Variants in SLCO1A2 observed in about 807,000 individuals in gnomAD.
SLCO1A2 encodes the protein OATP-1.
A neutral mutation model predicts 69.0 loss-of-function variants in SLCO1A2; 67 were observed. That is an observed-to-expected ratio of 0.97 (90% CI 0.80 to 1.19). The LOEUF (loss-of-function observed/expected upper bound fraction) is 1.19. Among genes scored for constraint, SLCO1A2 ranks in the 50% most tolerant of loss-of-function variants. The probability of loss-of-function intolerance (pLI) is 0.00; values close to 1 mark genes in which losing one functional copy is unlikely to be tolerated. For missense variants in SLCO1A2, 787 were observed against 793.7 expected (o/e 0.99, Z 0.10); for synonymous variants, 260 against 265.9 (o/e 0.98, Z 0.22).
upstream of SLCO1A2, among the ~76,000 whole-genome samples, chr12:21,418,813 T>C (rs1243301332): frequency 1.3e-5 from 2 of 152,158 alleles, no homozygotes; most frequent in African/African-American, 2.4e-5. Context: ...TTAGTAGTGA[T>C]GGTCTAGAAC....
chr12:21,275,349 A>ACATC lies in SLCO1A2; in HGVS notation c.1675+10_1675+11insGATG. 6.5e-7 allele frequency: 1 copy of ACATC among 1,549,258 alleles called. No homozygotes were observed. Among genetic ancestry groups the ACATC allele is most frequent in the South Asian group, 1.2e-5 (1 of 83,624 alleles). On this transcript the variant is annotated intron_variant, in intron 13 of 14. Coordinates refer to ENST00000683939, the MANE Select transcript of SLCO1A2 (RefSeq NM_001386879.1). The stretch of plus-strand genomic sequence containing the variant: ...TTCTGATAGGATGTGGGAAAAAATA[A>ACATC]CTATTTTTACCAAATACTCTTGTGC...
chr12:21,276,369 A>G (rs1436237714), intron 12 of SLCO1A2, among the ~76,000 whole-genome samples: 1 of 149,716 alleles, frequency 6.7e-6, no homozygotes. Context: ...ATGCGTAGAG[A>G]TGATAGAGAT....
chr12:21,370,346 T>C (rs1008706658), intron 2 of SLCO1A2, among the ~76,000 whole-genome samples: 1 of 152,058 alleles, frequency 6.6e-6, no homozygotes, highest in Non-Finnish European at 1.5e-5. Context: ...TTTTTTATTA[T>C]ACTTTAAGTT....
At chr12:21,328,040 G>C (rs1952367767) in intron 2 of SLCO1A2, among the ~76,000 whole-genome samples, 1 of 152,110 alleles carries the variant, frequency 6.6e-6, no homozygotes, top group South Asian at 2.1e-4. Flanking sequence ...TCATGATAGT[G>C]AATAAGTCTC....
chr12:21,292,243 G>A lies in SLCO1A2; in HGVS notation c.1531C>T (p.Gln511Ter), dbSNP rs751942663. ...ATCGCTGACAAGATTAGGAAGTACT[G>A]GAGCATCAAGGAACAGTCAGGTCCT... The part of the protein sequence containing the change: ...DKGPDCSLML[Q>*]YFLILSAMSS... The change falls in exon 12 of 15, where the codon CAG (glutamine) becomes TAG (stop). Residue 511 changes from glutamine to a stop codon, truncating the protein, a stop_gained. Coordinates refer to ENST00000683939, the MANE Select transcript of SLCO1A2 (RefSeq NM_001386879.1). LOFTEE classifies it high-confidence loss of function. 5 of 1,612,976 alleles carry A rather than the reference G, an allele frequency of 3.1e-6. No homozygotes were observed. The Admixed American group carries it at 8.3e-5, about 27-fold the overall frequency.
chr12:21,389,307 C>A (rs1027106045), intron 1 of SLCO1A2, among the ~76,000 whole-genome samples: 4 of 152,168 alleles, frequency 2.6e-5, no homozygotes, highest in Admixed American at 2.6e-4. Flanking sequence ...TTACTGCCTA[C>A]ACGTTTTTCT....
chr12:21,341,042 T>C (rs2136980873), intron 2 of SLCO1A2, among the ~76,000 whole-genome samples: 1 of 152,150 alleles, frequency 6.6e-6, no homozygotes, highest in Non-Finnish European at 1.5e-5. Flanking sequence ...CCTAAAATCT[T>C]ATGACATAAG....
At chr12:21,394,370 C>CAA (rs890833366) in intron 1 of SLCO1A2, among the ~76,000 whole-genome samples, 42 of 150,264 alleles carry the variant, frequency 2.8e-4, no homozygotes, top group Non-Finnish European at 5.0e-4. Flanking sequence ...CATCTTTACA[C>CAA]ACACACACAC....
intron 1 of SLCO1A2, among the ~76,000 whole-genome samples, chr12:21,413,237 CTTTTTTTTTT>C (rs3983534): frequency 1.0e-5 from 1 of 99,432 alleles, no homozygotes; most frequent in Admixed American, 1.3e-4. Flanking sequence ...TTTTCTTTTT[CTTTTTTTTTT>C]TTTTTTTTTG....
upstream of SLCO1A2, among the ~76,000 whole-genome samples, chr12:21,396,605 T>G (rs1486014670): frequency 1.3e-5 from 2 of 151,764 alleles, no homozygotes; most frequent in Non-Finnish European, 2.9e-5. Context: ...GGAAAAAATG[T>G]TAAGGGCAGC....
intron 5 of SLCO1A2, among the ~76,000 whole-genome samples, chr12:21,305,495 A>C (rs112633391): frequency 0.015 from 2,322 of 152,284 alleles, 53 homozygotes; most frequent in African/African-American, 0.053. Context: ...AATAGTCTCT[A>C]TTTCTAGGTA....
intron 1 of SLCO1A2, among the ~76,000 whole-genome samples, chr12:21,382,314 C>A (rs1940635706): frequency 6.6e-6 from 1 of 151,880 alleles, no homozygotes; most frequent in Non-Finnish European, 1.5e-5. Context: ...ATATAATGGA[C>A]TTTAGAGATT....
rs1043533781 is a variant in SLCO1A2, at chr12:21,267,891, C to T, written c.*1657G>A. On this transcript the variant is annotated 3_prime_UTR_variant, in exon 15 of 15. Transcript: ENST00000683939. Reference sequence around the variant, plus strand: ...TAATACGATATCTCACTGCTGCAGTCATACCTACATCAAAGTTAAACTCCC... The same window carrying T: ...TAATACGATATCTCACTGCTGCAGTTATACCTACATCAAAGTTAAACTCCC... The T allele has an allele frequency of 5.3e-5, 8 of 152,066 alleles. No individual in the cohort carries two copies. The allele number at this position is 152,066 out of a possible 1,614,324, so 9.4% of individuals were successfully genotyped here. A position where few individuals can be genotyped will look rare whatever the true frequency, so the allele number is the denominator to read the frequency against.
At chr12:21,328,599 T>C (rs974221788) in intron 2 of SLCO1A2, among the ~76,000 whole-genome samples, 3 of 152,118 alleles carry the variant, frequency 2.0e-5, no homozygotes, top group Non-Finnish European at 4.4e-5. Flanking sequence ...GTCCTAACCT[T>C]GGCCCACCAC....
upstream of SLCO1A2, among the ~76,000 whole-genome samples, chr12:21,399,925 A>G (rs1941629837): frequency 6.6e-6 from 1 of 151,898 alleles, no homozygotes; most frequent in Non-Finnish European, 1.5e-5. Context: ...TAAAAACCCT[A>G]GAAGAAAAGC....
intron 1 of SLCO1A2, chr12:21,376,491 T>C (rs1940201630): frequency 5.6e-6 from 1 of 179,620 alleles, no homozygotes; most frequent in African/African-American, 2.4e-5. Context: ...ATTGAACAGA[T>C]AGTGTGAATG....
chr12:21,309,040 G>T (rs1285879453), intron 4 of SLCO1A2, among the ~76,000 whole-genome samples: 1 of 152,186 alleles, frequency 6.6e-6, no homozygotes, highest in Non-Finnish European at 1.5e-5. Context: ...AGAATAGTAT[G>T]TTCCTTAAAA....
intron 1 of SLCO1A2, among the ~76,000 whole-genome samples, chr12:21,405,391 A>AT (rs1941807509): frequency 6.6e-6 from 1 of 151,988 alleles, no homozygotes; most frequent in Admixed American, 6.6e-5. Context: ...TATCATTAAC[A>AT]TTTTTCACAG....
At chr12:21,408,103 A>G (rs1253000673) in intron 1 of SLCO1A2, among the ~76,000 whole-genome samples, 2 of 152,118 alleles carry the variant, frequency 1.3e-5, no homozygotes, top group Non-Finnish European at 2.9e-5. Flanking sequence ...GCACCAAACT[A>G]TTTTCCCTAG....
Sources: allele counts gnomAD v4.1 joint callset (sites outside exome capture counted in the v4.1 genomes callset), GRCh38; gene constraint gnomAD v4.1.1; transcripts MANE v1.5; gene names NCBI Gene and HGNC (gene_info 2026-07-23, HGNC 2026-07-21).